The following PIP5K1C variants were observed in gnomAD, a reference collection of about 807,000 sequenced individuals.
PIP5K1C encodes the protein phosphatidylinositol-4-phosphate 5-kinase type 1 gamma.
A neutral mutation model predicts 80.1 loss-of-function variants in PIP5K1C; 45 were observed. The ratio of observed to expected loss-of-function variants is 0.56; its 90% CI spans 0.44 to 0.72. The LOEUF is 0.72. Ranked by LOEUF, PIP5K1C falls within the 30% of genes least tolerant of loss-of-function variation. The pLI is 0.00. For synonymous variants in PIP5K1C, 498 were observed against 420.1 expected, an observed-to-expected ratio of 1.19 and a Z score of -2.27; for missense variants, 753 against 954.6, an observed-to-expected ratio of 0.79 and a Z score of 2.78.
intron 1 of PIP5K1C, chr19:3,668,455 G>A (rs894484038): frequency 1.3e-5 from 2 of 152,360 alleles, no homozygotes; most frequent in African/African-American, 4.8e-5. Flanking sequence ...GAAGAGGGAG[G>A]AAGGGACCTG....
At position 3,661,065 on chromosome 19, in the gene PIP5K1C, G is replaced by C; in HGVS notation, c.369C>G (p.Thr123=). 6.2e-7 allele frequency: 1 copy of C among 1,613,906 alleles called. No homozygotes were observed. Among genetic ancestry groups the C allele is most frequent in the Non-Finnish European group, 8.5e-7 (1 of 1,179,862 alleles). ...IFFPSEGSNL[T]PAHHFQDFRF... is the part of the protein sequence containing the mutation. ...GGAAGTCCTGGAAGTGGTGGGCGGG[G>C]GTGAGGTTGCTGCCTTCGCTGTGGA... The change falls in exon 5 of 18, where the codon ACC becomes ACG. Residue 123 remains threonine (T), a synonymous_variant. Transcript: ENST00000335312.
intron 2 of PIP5K1C, among the ~76,000 whole-genome samples, chr19:3,666,860 G>A (rs1182262278): frequency 2.0e-5 from 3 of 152,262 alleles, no homozygotes; most frequent in Non-Finnish European, 4.4e-5. Flanking sequence ...TGTGCACTAC[G>A]CCTGTGTGGC....
chr19:3,675,756 T>C (rs1045822864), intron 1 of PIP5K1C, among the ~76,000 whole-genome samples: 5 of 152,156 alleles, frequency 3.3e-5, no homozygotes, highest in Non-Finnish European at 5.9e-5. Flanking sequence ...AGGGCTGGAT[T>C]GTTCTCTGGG....
At chr19:3,684,327 T>A (rs1182098737) in intron 1 of PIP5K1C, among the ~76,000 whole-genome samples, 1 of 152,172 alleles carries the variant, frequency 6.6e-6, no homozygotes, top group African/African-American at 2.4e-5. Context: ...CACACACAGA[T>A]GGGGACACCT....
chr19:3,675,747 G>C (rs1043103032), intron 1 of PIP5K1C, among the ~76,000 whole-genome samples: 1 of 152,182 alleles, frequency 6.6e-6, no homozygotes, highest in Non-Finnish European at 1.5e-5. Flanking sequence ...TCAGCACTTA[G>C]GGCTGGATTG....
chr19:3,644,728 C>G (rs1001003785), intron 11 of PIP5K1C, among the ~76,000 whole-genome samples: 5 of 152,216 alleles, frequency 3.3e-5, no homozygotes, highest in African/African-American at 4.8e-5. Flanking sequence ...CTGTGCGGCT[C>G]GGTCTCTCTG....
Position 3,652,042 on chromosome 19 carries a change from C to A in PIP5K1C, c.922-11G>T, listed in dbSNP as rs368862269. 1 of 1,612,712 alleles carries A rather than the reference C, an allele frequency of 6.2e-7. No homozygotes were observed. The highest frequency in any genetic ancestry group is 8.5e-7 in the Non-Finnish European group (1 of 1,179,704). On this transcript the variant is annotated splice_polypyrimidine_tract_variant and intron_variant, in intron 7 of 17. Coordinates refer to ENST00000335312, the MANE Select transcript of PIP5K1C (RefSeq NM_012398.3). ...GAAACTTTCCAGGACCTGGCGGGAT[C>A]GGGCAGGAACACGCCACGCCGTCAG...
Position 3,662,014 on chromosome 19 carries a change from C to T in PIP5K1C, c.220-13G>A. Reference sequence around the variant, plus strand: ...TGGAGGAGGTGGTCTGCAGGGAGACCAGAGTGTCAGGGCCCCCGGCTGCTC... The same window carrying T: ...TGGAGGAGGTGGTCTGCAGGGAGACTAGAGTGTCAGGGCCCCCGGCTGCTC... On this transcript the variant is annotated splice_polypyrimidine_tract_variant and intron_variant, in intron 3 of 17. Coordinates refer to ENST00000335312, the MANE Select transcript of PIP5K1C (RefSeq NM_012398.3). The T allele has an allele frequency of 3.8e-6, 6 of 1,579,612 alleles. No individual in the cohort carries two copies. The highest frequency in any genetic ancestry group is 5.1e-6 in the Non-Finnish European group (6 of 1,165,734).
At chr19:3,664,706 C>G in intron 3 of PIP5K1C, 116 bp downstream of exon 3, 2 of 903,896 alleles carry the variant, frequency 2.2e-6, no homozygotes, top group Non-Finnish European at 3.7e-6. Context: ...ACACCTGTCC[C>G]TGGGCAGACC....
intron 1 of PIP5K1C, among the ~76,000 whole-genome samples, chr19:3,679,995 C>T (rs1272905544): frequency 1.3e-5 from 2 of 152,278 alleles, no homozygotes; most frequent in African/African-American, 4.8e-5. Flanking sequence ...CAGCTCCTGC[C>T]CTCTGGCCCT....
At chr19:3,639,055 C>T in intron 15 of PIP5K1C, 39 bp from the exon 16 acceptor site, 1 of 1,604,472 alleles carries the variant, frequency 6.2e-7, no homozygotes, top group Non-Finnish European at 8.5e-7. Flanking sequence ...GACCCTCAGG[C>T]CCCACACGGA....
chr19:3,671,499 C>T (rs1040873990), intron 1 of PIP5K1C, among the ~76,000 whole-genome samples: 6 of 152,328 alleles, frequency 3.9e-5, no homozygotes, highest in East Asian at 1.9e-4. Flanking sequence ...GAGGGGCAGG[C>T]GGCTCGGGCC....
intron 1 of PIP5K1C, 24 bp downstream of exon 1, chr19:3,700,273 A>C: frequency 1.7e-6 from 2 of 1,207,170 alleles, no homozygotes; most frequent in Admixed American, 3.6e-5. Flanking sequence ...AGCGGGCCGC[A>C]GCCCCGGGAG....
chr19:3,698,808 G>A (rs957942432), intron 1 of PIP5K1C, among the ~76,000 whole-genome samples: 2 of 152,140 alleles, frequency 1.3e-5, no homozygotes, highest in Non-Finnish European at 2.9e-5. Context: ...GATGGCGTTG[G>A]AGGAGTGAGG....
intron 1 of PIP5K1C, among the ~76,000 whole-genome samples, chr19:3,697,125 G>A (rs573786009): frequency 4.9e-4 from 71 of 145,974 alleles, no homozygotes; most frequent in Non-Finnish European, 8.7e-4. Flanking sequence ...CGAGCCAGAC[G>A]AAGGAGGACT....
At chr19:3,682,517 C>T (rs1049592341) in intron 1 of PIP5K1C, among the ~76,000 whole-genome samples, 14 of 152,038 alleles carry the variant, frequency 9.2e-5, no homozygotes, top group Non-Finnish European at 7.4e-5. Flanking sequence ...TAGCAAGACC[C>T]CACCTCTTCA....
At chr19:3,656,676 C>A in intron 5 of PIP5K1C, 119 bp from the exon 6 acceptor site, 4 of 1,170,868 alleles carry the variant, frequency 3.4e-6, no homozygotes, top group Non-Finnish European at 3.7e-6. Flanking sequence ...TTTACAGATG[C>A]GGAAAGAGAG....
chr19:3,643,505 C>T, intron 12 of PIP5K1C, 124 bp from the exon 13 acceptor site: 2 of 1,100,978 alleles, frequency 1.8e-6, no homozygotes, highest in Non-Finnish European at 2.6e-6. Context: ...CTCCCAGACA[C>T]TCCCACCTCC....
chr19:3,643,380 G>A lies in PIP5K1C; in HGVS notation c.1512C>T (p.Gly504=), dbSNP rs189826987. 1.4e-5 allele frequency: 22 copies of A among 1,613,358 alleles called. No homozygotes were observed. The African/African-American group carries it at 1.9e-4, about 14-fold the overall frequency. ...ARSYPTLEDE[G]RPDLLPCTPP... ...GCGTGCAGGGCAGGAGGTCGGGCCG[G>A]CCTGAGGGGAGAGGACTGTGGGCAC... Residue 504 remains glycine, a splice_region_variant and synonymous_variant, in exon 13 of 18, where the codon GGC becomes GGT. Coordinates refer to ENST00000335312, the MANE Select transcript of PIP5K1C (RefSeq NM_012398.3).
Sources: allele counts gnomAD v4.1 joint callset (sites outside exome capture counted in the v4.1 genomes callset), GRCh38; gene constraint gnomAD v4.1.1; transcripts MANE v1.5; gene names NCBI Gene and HGNC (gene_info 2026-07-23, HGNC 2026-07-21).